KCNU1: variants seen among roughly 807,000 people sequenced by gnomAD.
KCNU1 encodes the protein potassium channel subfamily U member 1.
In KCNU1, 93 loss-of-function variants were observed where a neutral mutation model predicts 126.8. That is an observed-to-expected ratio of 0.73 (90% CI 0.62 to 0.87). The LOEUF (loss-of-function observed/expected upper bound fraction) is 0.87, where lower values mean the gene tolerates loss of function less well. Ranked by LOEUF, KCNU1 falls within the 40% of genes least tolerant of loss-of-function variation. The pLI, the probability that KCNU1 is intolerant of heterozygous loss-of-function variation, is 0.00. For synonymous variants in KCNU1, 523 were observed against 494.2 expected, an observed-to-expected ratio of 1.06 and a Z score of -0.77; for missense variants, 1,330 against 1,367.1, an observed-to-expected ratio of 0.97 and a Z score of 0.43.
At chr8:36,854,225 T>C (rs1805451763) in intron 18 of KCNU1, among the ~76,000 whole-genome samples, 1 of 152,112 alleles carries the variant, frequency 6.6e-6, no homozygotes, top group Non-Finnish European at 1.5e-5. Flanking sequence ...CTACTAGGAG[T>C]TTATTAAGCT....
chr8:36,919,428 C>CAAAAAAA (rs10699066), intron 23 of KCNU1, among the ~76,000 whole-genome samples: 2 of 109,478 alleles, frequency 1.8e-5, no homozygotes, highest in Admixed American at 9.6e-5. Flanking sequence ...CTAAAATAGG[C>CAAAAAAA]AAAAAAAAAA....
At chr8:36,921,629 A>G (rs1808349107) in intron 23 of KCNU1, among the ~76,000 whole-genome samples, 1 of 145,832 alleles carries the variant, frequency 6.9e-6, no homozygotes, top group African/African-American at 2.6e-5. Context: ...CAGTGACTGC[A>G]CCACTGGGCA....
Position 36,836,793 on chromosome 8 carries a change from G to A in KCNU1, c.1366G>A (p.Val456Ile), listed in dbSNP as rs754784831. Reference sequence around the variant, plus strand: ...TGACCTGCTTTGTGCTATGGAACAGGTTTATCTGCCAAAGATTCCCAGCTG... The same window carrying A: ...TGACCTGCTTTGTGCTATGGAACAGATTTATCTGCCAAAGATTCCCAGCTG... ...IIQILQSHNK[V>I]YLPKIPSWNW... Residue 456 changes from valine (V) to isoleucine (I), a missense_variant and splice_region_variant, in exon 14 of 27, where the codon GTT becomes ATT. Val to Ile is a conservative substitution (Grantham distance 29, BLOSUM62 3). Around this residue, in one of 3 missense-constraint regions of KCNU1, gnomAD observed 1,054 missense variants for 1,053.9 expected, o/e 1.00. Coordinates refer to ENST00000399881, the MANE Select transcript of KCNU1 (RefSeq NM_001031836.3). The A allele has an allele frequency of 2.5e-6, 4 of 1,613,654 alleles. No individual in the cohort carries two copies. Among genetic ancestry groups the A allele is most frequent in the Non-Finnish European group, 3.4e-6 (4 of 1,179,680 alleles).
intron 7 of KCNU1, among the ~76,000 whole-genome samples, chr8:36,809,396 G>A (rs1046304004): frequency 4.6e-5 from 7 of 152,148 alleles, no homozygotes; most frequent in African/African-American, 1.7e-4. Context: ...AAATTGATGG[G>A]AGATGTTAAA....
intron 19 of KCNU1, chr8:36,888,890 T>C (rs1424412455): frequency 1.2e-5 from 5 of 418,724 alleles, no homozygotes; most frequent in South Asian, 9.4e-5. Context: ...CATTTTTTTT[T>C]CTTTTTGAGA....
At chr8:36,925,135 T>C (rs1808491569) in intron 24 of KCNU1, among the ~76,000 whole-genome samples, 1 of 152,078 alleles carries the variant, frequency 6.6e-6, no homozygotes, top group African/African-American at 2.4e-5. Flanking sequence ...TGGGCTTCAC[T>C]TGGTGGAAGA....
chr8:36,928,517 T>G (rs1238377975), intron 24 of KCNU1, among the ~76,000 whole-genome samples: 1 of 152,138 alleles, frequency 6.6e-6, no homozygotes, highest in African/African-American at 2.4e-5. Flanking sequence ...AAGACATCAC[T>G]CAGGAAATTC....
At chr8:36,845,509 A>G (rs572488995) in intron 16 of KCNU1, 71 bp from the exon 17 acceptor site, 4 of 850,210 alleles carry the variant, frequency 4.7e-6, no homozygotes, top group Non-Finnish European at 5.9e-6. Context: ...TGATCATAAC[A>G]GAAAGAGGCA....
chr8:36,897,211 TAGAACA>T (rs1260678103), intron 19 of KCNU1, among the ~76,000 whole-genome samples: 1 of 152,034 alleles, frequency 6.6e-6, no homozygotes, highest in Non-Finnish European at 1.5e-5. Flanking sequence ...TTTCAAATTG[TAGAACA>T]ATTTCCATAA....
At chr8:36,914,106 A>G (rs994092409) in intron 22 of KCNU1, among the ~76,000 whole-genome samples, 1 of 152,206 alleles carries the variant, frequency 6.6e-6, no homozygotes, top group Non-Finnish European at 1.5e-5. Context: ...TCCACCAAGC[A>G]TTAAGAGGTA....
Position 36,836,781 on chromosome 8 carries a change from G to A in KCNU1, c.1366-12G>A, listed in dbSNP as rs752052021. On this transcript the variant is annotated splice_polypyrimidine_tract_variant and intron_variant, in intron 13 of 26. Coordinates refer to ENST00000399881, the MANE Select transcript of KCNU1 (RefSeq NM_001031836.3). ...ATTCCTAATGTTTGACCTGCTTTGT[G>A]CTATGGAACAGGTTTATCTGCCAAA... 1 of 1,613,234 alleles carries A rather than the reference G, an allele frequency of 6.2e-7. No individual in the cohort carries two copies. The highest frequency in any genetic ancestry group is 8.5e-7 in the Non-Finnish European group (1 of 1,179,322).
In KCNU1 at chr8:36,838,565, C is replaced by T. The variant is rs150843794; in HGVS notation, c.1518+1620C>T. Among the ~76,000 whole-genome samples, 1,198 of 152,158 alleles carry T rather than the reference C, an allele frequency of 7.9e-3. 15 individuals are homozygous for T. Among genetic ancestry groups the T allele is most frequent in the African/African-American group, 0.028 (1,153 of 41,510 alleles). ...TAAAAAAATTAGCCAGGCATGGTGG[C>T]GTGAGCCTGTAGCCCCAGCAATTGG... On this transcript the variant is annotated intron_variant, in intron 14 of 26. Coordinates refer to ENST00000399881, the MANE Select transcript of KCNU1 (RefSeq NM_001031836.3).
intron 1 of KCNU1, among the ~76,000 whole-genome samples, chr8:36,786,822 A>G (rs1802726850): frequency 6.6e-6 from 1 of 152,248 alleles, no homozygotes; most frequent in South Asian, 2.1e-4. Context: ...ATTTCAGAAT[A>G]TAACACCAGG....
chr8:36,815,884 A>G (rs1415736629), intron 9 of KCNU1, among the ~76,000 whole-genome samples, 197 bp downstream of exon 9: 1 of 152,238 alleles, frequency 6.6e-6, no homozygotes, highest in Non-Finnish European at 1.5e-5. Flanking sequence ...CCAAACCACT[A>G]CATAGATGCT....
intron 9 of KCNU1, 22 bp downstream of exon 9, chr8:36,815,709 A>T: frequency 7.5e-7 from 1 of 1,341,618 alleles, no homozygotes. Context: ...TTTAAGTATA[A>T]TTTCTACAGT....
At chr8:36,794,265 A>G (rs1292966706) in intron 2 of KCNU1, among the ~76,000 whole-genome samples, 1 of 151,460 alleles carries the variant, frequency 6.6e-6, no homozygotes, top group Non-Finnish European at 1.5e-5. Context: ...CTTTTTCTCT[A>G]ATTTGCACCT....
At chr8:36,811,948 C>G (rs925834137) in intron 7 of KCNU1, among the ~76,000 whole-genome samples, 1 of 152,064 alleles carries the variant, frequency 6.6e-6, no homozygotes, top group African/African-American at 2.4e-5. Flanking sequence ...CCTGTAATCC[C>G]AGCTACTCTA....
intron 19 of KCNU1, among the ~76,000 whole-genome samples, chr8:36,876,631 C>G (rs1324353220): frequency 1.3e-5 from 2 of 152,176 alleles, no homozygotes. Flanking sequence ...ATCTGTGGCG[C>G]TGCCTCAAGT....
chr8:36,796,891 T>C (rs1278746745), intron 2 of KCNU1, among the ~76,000 whole-genome samples: 1 of 152,312 alleles, frequency 6.6e-6, no homozygotes, highest in East Asian at 1.9e-4. Context: ...ATCTATTTTA[T>C]TGGTATTTAT....
Sources: allele counts gnomAD v4.1 joint callset (sites outside exome capture counted in the v4.1 genomes callset), GRCh38; gene constraint gnomAD v4.1.1; regional missense constraint gnomAD v4.1.1; transcripts MANE v1.5; gene names NCBI Gene and HGNC (gene_info 2026-07-23, HGNC 2026-07-21).